Variants in TMEFF1 observed in about 807,000 individuals in gnomAD.
The protein encoded by TMEFF1 is transmembrane protein with EGF like and two follistatin like domains 1, also known as tomoregulin-1.
A neutral mutation model predicts 47.5 loss-of-function variants in TMEFF1; 20 were observed. The observed-to-expected ratio is 0.42, with a 90% CI of 0.30 to 0.61. TMEFF1 has a LOEUF of 0.61. Among genes scored for constraint, TMEFF1 ranks in the 20% least tolerant of loss-of-function variants. The probability of loss-of-function intolerance (pLI) is 0.19; values close to 1 mark genes in which losing one functional copy is unlikely to be tolerated. For synonymous variants in TMEFF1, 162 were observed against 166.3 expected (o/e 0.97, Z 0.20); for missense variants, 411 against 471.1 (o/e 0.87, Z 1.18).
intron 5 of TMEFF1, 95 bp from the exon 6 acceptor site, chr9:100,547,649 C>A: frequency 7.7e-7 from 1 of 1,302,172 alleles, no homozygotes; most frequent in Non-Finnish European, 1.0e-6. Context: ...ACTTCTGTTA[C>A]AGAAAGCAGA....
intron 1 of TMEFF1, among the ~76,000 whole-genome samples, chr9:100,483,221 G>A (rs956023706): frequency 2.6e-5 from 4 of 152,194 alleles, no homozygotes; most frequent in Non-Finnish European, 5.9e-5. Context: ...GTGCGTCCAG[G>A]CACAGTGGCT....
intron 1 of TMEFF1, among the ~76,000 whole-genome samples, chr9:100,483,879 T>C (rs1467135558): frequency 6.6e-6 from 1 of 152,182 alleles, no homozygotes; most frequent in African/African-American, 2.4e-5. Flanking sequence ...CTTTAAATTT[T>C]TTGTTTTGTC....
intron 5 of TMEFF1, among the ~76,000 whole-genome samples, chr9:100,520,996 G>A (rs1838150948): frequency 1.3e-5 from 2 of 152,286 alleles, no homozygotes; most frequent in Admixed American, 6.5e-5. Flanking sequence ...GCTTCTAGAT[G>A]CTGTCAGTGT....
chr9:100,473,676 G>T lies in TMEFF1; in HGVS notation c.132G>T (p.Pro44=). 1 of 1,542,208 alleles carries T rather than the reference G, an allele frequency of 6.5e-7. No homozygotes were observed. Among genetic ancestry groups the T allele is most frequent in the Non-Finnish European group, 8.7e-7 (1 of 1,143,684 alleles). The part of the protein sequence containing the change: ...LPGSRASNQP[P]GGGGGSGGDC... ...GGAGCCGCGCGTCCAACCAGCCCCC[G>T]GGTGGTGGCGGCGGCAGCGGCGGGG... The change falls in exon 1 of 10, where the codon CCG becomes CCT. Residue 44 remains proline, a synonymous_variant. Transcript: ENST00000374879. This position sits in a 1 kb window ranked among gnomAD's most constrained non-coding sequence, Gnocchi z 5.4.
chr9:100,518,692 G>A (rs549372025), intron 5 of TMEFF1, among the ~76,000 whole-genome samples: 2 of 152,286 alleles, frequency 1.3e-5, no homozygotes, highest in African/African-American at 2.4e-5. Context: ...AGTCTGTAAA[G>A]CACTTGTTAC....
chr9:100,506,578 A>T (rs1837865956), intron 2 of TMEFF1, among the ~76,000 whole-genome samples: 1 of 151,900 alleles, frequency 6.6e-6, no homozygotes, highest in Admixed American at 6.6e-5. Context: ...ATCCTGGCTA[A>T]CACAGTGAAA....
chr9:100,551,152 T>C (rs1349600482), intron 7 of TMEFF1, among the ~76,000 whole-genome samples: 1 of 152,266 alleles, frequency 6.6e-6, no homozygotes, highest in Non-Finnish European at 1.5e-5. Context: ...AAAAGATATG[T>C]GATCTATCTT....
At chr9:100,533,933 G>A (rs1030904099) in intron 5 of TMEFF1, among the ~76,000 whole-genome samples, 1 of 152,094 alleles carries the variant, frequency 6.6e-6, no homozygotes, top group African/African-American at 2.4e-5. Context: ...TGGCCAGGAT[G>A]GTCTTGATCT....
intron 1 of TMEFF1, among the ~76,000 whole-genome samples, chr9:100,497,318 G>GTATTTTTTTTTTTTTTTTTTT (rs1328828062): frequency 1.2e-5 from 1 of 84,880 alleles, no homozygotes; most frequent in Non-Finnish European, 2.4e-5. Flanking sequence ...TTCCACTCAT[G>GTATTTTTTTTTTTTTTTTTTT]TCTTTTTTTT....
chr9:100,545,826 A>G (rs1045465612), intron 5 of TMEFF1, among the ~76,000 whole-genome samples: 2 of 152,204 alleles, frequency 1.3e-5, no homozygotes, highest in Non-Finnish European at 2.9e-5. Flanking sequence ...TCTCAAGTTC[A>G]AAGTTCTACA....
chr9:100,518,306 C>G (rs1838107274), intron 5 of TMEFF1: 1 of 300,784 alleles, frequency 3.3e-6, no homozygotes, highest in African/African-American at 2.3e-5. Flanking sequence ...ATGTAAACAC[C>G]TCCTCATAGT....
chr9:100,479,141 C>CTA (rs1251991841), intron 1 of TMEFF1, among the ~76,000 whole-genome samples: 7 of 152,072 alleles, frequency 4.6e-5, no homozygotes, highest in African/African-American at 1.4e-4. Context: ...TCTTCTAGAT[C>CTA]CCTGTTGTGT....
chr9:100,534,288 C>G (rs1254982156), intron 5 of TMEFF1, among the ~76,000 whole-genome samples: 1 of 152,160 alleles, frequency 6.6e-6, no homozygotes, highest in East Asian at 1.9e-4. Context: ...GTCTCAGCCC[C>G]TCACTGGTTT....
At chr9:100,549,837 G>T (rs1838799904) in intron 6 of TMEFF1, among the ~76,000 whole-genome samples, 1 of 152,134 alleles carries the variant, frequency 6.6e-6, no homozygotes, top group African/African-American at 2.4e-5. Context: ...GCATAGGAAA[G>T]AGTTTTTAAA....
At chr9:100,512,111 C>G (rs1047796871) in intron 3 of TMEFF1, among the ~76,000 whole-genome samples, 2 of 152,134 alleles carry the variant, frequency 1.3e-5, no homozygotes, top group African/African-American at 4.8e-5. Flanking sequence ...TATGTGGAAT[C>G]GAAGTAATAA....
chr9:100,554,806 T>A (rs1286406126), intron 7 of TMEFF1, among the ~76,000 whole-genome samples: 1 of 152,016 alleles, frequency 6.6e-6, no homozygotes, highest in Non-Finnish European at 1.5e-5. Flanking sequence ...CAGAATATTT[T>A]GAATTTTTTA....
intron 1 of TMEFF1, among the ~76,000 whole-genome samples, chr9:100,484,507 C>T (rs142526505): frequency 0.022 from 3,316 of 151,834 alleles, 103 homozygotes; most frequent in African/African-American, 0.076. Flanking sequence ...TTAGTAGAGG[C>T]GGGGTTTTAC....
intron 1 of TMEFF1, among the ~76,000 whole-genome samples, chr9:100,493,388 A>G (rs1358749418): frequency 2.0e-5 from 3 of 152,206 alleles, no homozygotes; most frequent in Admixed American, 6.5e-5. Context: ...GAAAAGTCGT[A>G]TCATTCTGGA....
intron 3 of TMEFF1, among the ~76,000 whole-genome samples, chr9:100,509,651 G>A (rs1029266680): frequency 6.6e-6 from 1 of 152,054 alleles, no homozygotes; most frequent in African/African-American, 2.4e-5. Flanking sequence ...GCGGGCACCT[G>A]TAGTCCCAGC....
Sources: allele counts gnomAD v4.1 joint callset (sites outside exome capture counted in the v4.1 genomes callset), GRCh38; gene constraint gnomAD v4.1.1; non-coding constraint Gnocchi (gnomAD v3.1); transcripts MANE v1.5; gene names NCBI Gene and HGNC (gene_info 2026-07-23, HGNC 2026-07-21).